TPO: variants seen among roughly 807,000 people sequenced by gnomAD.
TPO encodes the protein thyroid microsomal antigen.
In TPO, 78 loss-of-function variants were observed where a neutral mutation model predicts 96.9. The ratio of observed to expected loss-of-function variants is 0.81; its 90% CI spans 0.67 to 0.97. TPO has a LOEUF of 0.97. TPO is among the 50% of genes least tolerant of loss of function. The probability of loss-of-function intolerance (pLI) is 0.00; values close to 1 mark genes in which losing one functional copy is unlikely to be tolerated. For synonymous variants in TPO, 547 were observed against 538.0 expected (o/e 1.02, Z -0.23); for missense variants, 1,252 against 1,274.8 (o/e 0.98, Z 0.27).
Position 1,494,044 on chromosome 2 carries a change from G to C in TPO, c.2006+5G>C. ...GGCTCTGCGGGACGGTGACTGGTAC[G>C]TTCCTATCCAGAGCGTCTTCCTTCA... On this transcript the variant is annotated splice_donor_5th_base_variant and intron_variant, in intron 11 of 16. Transcript: ENST00000329066. 6.2e-7 allele frequency: 1 copy of C among 1,613,460 alleles called. No homozygotes were observed. The highest frequency in any genetic ancestry group is 8.5e-7 in the Non-Finnish European group (1 of 1,179,468).
chr2:1,442,448 T>G (rs906272859), intron 5 of TPO, among the ~76,000 whole-genome samples: 2 of 152,214 alleles, frequency 1.3e-5, no homozygotes, highest in Non-Finnish European at 2.9e-5. Context: ...GTATTACATA[T>G]GATTATTCAT....
chr2:1,467,649 A>G (rs1201147109), intron 7 of TPO, among the ~76,000 whole-genome samples: 1 of 152,104 alleles, frequency 6.6e-6, no homozygotes, highest in Non-Finnish European at 1.5e-5. Flanking sequence ...TGTTGAATAG[A>G]ATGTGTATTC....
At chr2:1,447,211 TAC>T (rs1666909004) in intron 5 of TPO, among the ~76,000 whole-genome samples, 1 of 152,196 alleles carries the variant, frequency 6.6e-6, no homozygotes, top group African/African-American at 2.4e-5. Context: ...AAGAAACATT[TAC>T]AGTCTCTTCT....
chr2:1,532,057 C>A (rs537133994), intron 15 of TPO, among the ~76,000 whole-genome samples: 2 of 112,628 alleles, frequency 1.8e-5, no homozygotes, highest in African/African-American at 3.3e-5. Context: ...TCCCCAAATA[C>A]CCCCCACTGT....
intron 3 of TPO, among the ~76,000 whole-genome samples, chr2:1,430,683 A>G (rs985503797): frequency 7.9e-5 from 12 of 152,260 alleles, no homozygotes; most frequent in African/African-American, 2.9e-4. Context: ...AGAGCTGCCC[A>G]AGGCTATGGG....
At chr2:1,426,856 A>T (rs1380718471) in intron 3 of TPO, among the ~76,000 whole-genome samples, 1 of 152,248 alleles carries the variant, frequency 6.6e-6, no homozygotes, top group Non-Finnish European at 1.5e-5. Context: ...AGGAAAAAAA[A>T]TAACTTTTCT....
rs142206206 is a variant in TPO, at chr2:1,406,642, C to T, written n.180+32240C>T. Among the ~76,000 whole-genome samples, 518 of 152,344 alleles carry T rather than the reference C, an allele frequency of 3.4e-3. 1 individual carries two copies. Among genetic ancestry groups the T allele is most frequent in the Admixed American group, 8.7e-3 (133 of 15,310 alleles). ...GGCATCTTCCTCTCTATTAATCTCA[C>T]TTAGGGTCACAACATGCTGTGAAAC... On this transcript the variant is annotated intron_variant and non_coding_transcript_variant, in intron 1 of 5. Coordinates refer to the TPO transcript ENST00000497517.
At chr2:1,540,345 C>T (rs535609836) in intron 15 of TPO, among the ~76,000 whole-genome samples, 1 of 152,372 alleles carries the variant, frequency 6.6e-6, no homozygotes, top group East Asian at 1.9e-4. Flanking sequence ...CCCAGCTCAG[C>T]TGCGTGGAGA....
chr2:1,438,225 C>G (rs1316414391), intron 5 of TPO, among the ~76,000 whole-genome samples: 1 of 152,062 alleles, frequency 6.6e-6, no homozygotes, highest in Non-Finnish European at 1.5e-5. Context: ...CGGGGCTGCT[C>G]TCTGAATGGG....
At chr2:1,414,379 C>T (rs1662667425) in intron 1 of TPO, 29 bp from the exon 2 acceptor site, 2 of 1,601,278 alleles carry the variant, frequency 1.2e-6, no homozygotes, top group African/African-American at 1.3e-5. Context: ...TGCTTGATTA[C>T]ATACTCTGTC....
intron 14 of TPO, among the ~76,000 whole-genome samples, chr2:1,514,811 G>C (rs1674514724): frequency 6.6e-6 from 1 of 152,178 alleles, no homozygotes; most frequent in Non-Finnish European, 1.5e-5. Flanking sequence ...TTTCTGCTGT[G>C]CGGCATCTGG....
chr2:1,409,962 T>TGCGGTGGGGGGCAGGG (rs1662304371), upstream of TPO, among the ~76,000 whole-genome samples: 2 of 20,610 alleles, frequency 9.7e-5, no homozygotes, highest in African/African-American at 4.2e-4. Flanking sequence ...GGGGGGCAGG[T>TGCGGTGGGGGGCAGGG]GTGGTGGGGG....
At chr2:1,532,949 CT>C (rs1678658120) in intron 15 of TPO, among the ~76,000 whole-genome samples, 1 of 121,150 alleles carries the variant, frequency 8.3e-6, no homozygotes, top group Non-Finnish European at 1.7e-5. Context: ...GTGCAACCTC[CT>C]CAAATCCCCC....
At chr2:1,532,192 C>G (rs1333382842) in intron 15 of TPO, among the ~76,000 whole-genome samples, 3 of 101,548 alleles carry the variant, frequency 3.0e-5, no homozygotes, top group African/African-American at 3.7e-5. Context: ...GCAACCTCCT[C>G]AAATCCCCCA....
At chr2:1,460,083 G>C (rs1418415018) in intron 7 of TPO, among the ~76,000 whole-genome samples, 1 of 152,050 alleles carries the variant, frequency 6.6e-6, no homozygotes, top group African/African-American at 2.4e-5. Flanking sequence ...CTACAGGCAT[G>C]CGCCACCATG....
chr2:1,378,670 G>T (rs1252589786), intron 1 of TPO, among the ~76,000 whole-genome samples: 1 of 152,232 alleles, frequency 6.6e-6, no homozygotes, highest in Non-Finnish European at 1.5e-5. Flanking sequence ...GGGAGGCCCT[G>T]TTCCTGTCCA....
At chr2:1,527,953 A>G (rs993484875) in intron 15 of TPO, among the ~76,000 whole-genome samples, 3 of 92,124 alleles carry the variant, frequency 3.3e-5, no homozygotes, top group African/African-American at 1.4e-4. Context: ...ACTGCGTGCA[A>G]CCTCCTCAAA....
intron 8 of TPO, among the ~76,000 whole-genome samples, chr2:1,482,766 C>T (rs573028563): frequency 6.4e-4 from 97 of 152,290 alleles, no homozygotes; most frequent in African/African-American, 2.3e-3. Flanking sequence ...CCTCAACCTC[C>T]TGGGCTCAAG....
intron 5 of TPO, among the ~76,000 whole-genome samples, chr2:1,451,638 A>G (rs1303694773): frequency 6.6e-6 from 1 of 152,156 alleles, no homozygotes; most frequent in African/African-American, 2.4e-5. Context: ...GTTGTGTTGC[A>G]TGACTCTGCA....
Sources: gnomAD v4.1 joint callset for allele counts (sites outside exome capture counted in the v4.1 genomes callset) on GRCh38, gnomAD v4.1.1 for gene constraint, MANE v1.5 for transcripts, NCBI Gene and HGNC (gene_info 2026-07-23, HGNC 2026-07-21) for gene names.